ULK4: variants seen among roughly 807,000 people sequenced by gnomAD.
ULK4 encodes the protein unc-51 like kinase 4, also known as inactive serine/threonine-protein kinase ULK4.
ULK4 carries 133 observed loss-of-function variants against 160.6 expected under a neutral mutation model. That is an observed-to-expected ratio of 0.83 (90% CI 0.72 to 0.96). The LOEUF (loss-of-function observed/expected upper bound fraction) is 0.96, where lower values mean the gene tolerates loss of function less well. Among genes scored for constraint, ULK4 ranks in the 40% least tolerant of loss-of-function variants. ULK4 has a pLI of 0.00. For missense variants in ULK4, 1,580 were observed against 1,499.5 expected (o/e 1.05, Z -0.89); for synonymous variants, 534 against 539.8 (o/e 0.99, Z 0.15).
rs980545512 is a variant in ULK4, at chr3:41,800,256, A to G, written c.1886T>C (p.Ile629Thr). 1.9e-6 allele frequency: 3 copies of G among 1,613,172 alleles called. No individual in the cohort carries two copies. The highest frequency in any genetic ancestry group is 3.3e-4 in the Middle Eastern group (2 of 6,050). The change falls in exon 20 of 37, where the codon ATT becomes ACT. Residue 629 changes from isoleucine to threonine, a missense_variant. Ile to Thr is a moderately conservative substitution (Grantham distance 89). Transcript: ENST00000301831. The part of the protein sequence containing the change: ...RVVNHMAAKI[I>T]ENVCTTFSAQ... ...AGAAAAGGTGGTACAGACATTTTCA[A>G]TAATTTTTGCTGCCATGTGATTCAC...
In ULK4 at chr3:41,917,603, TTATTGCTGATAGATCATTA is replaced by T. The variant is rs1344587713; in HGVS notation, c.727+835_727+853del. Among the ~76,000 whole-genome samples, 3 of 152,308 alleles carry T rather than the reference TTATTGCTGATAGATCATTA, an allele frequency of 2.0e-5. No homozygotes were observed. The East Asian group carries it at 5.8e-4, about 29-fold the overall frequency. On this transcript the variant is annotated intron_variant, in intron 7 of 36. Transcript: ENST00000301831. ...TCTTTTGTTTTCCTTTCCTTAAAAATTATTGCTGATAGATCATTATATTAACCACAATTTATATGATTAA... is the reference window on the plus strand; with the variant it reads ...TCTTTTGTTTTCCTTTCCTTAAAAATTATTAACCACAATTTATATGATTAA...
chr3:41,424,831 C>CAAAAAAA (rs36097613), intron 34 of ULK4, among the ~76,000 whole-genome samples: 2 of 62,400 alleles, frequency 3.2e-5, no homozygotes, highest in African/African-American at 6.5e-5. Context: ...AAGAAATCAT[C>CAAAAAAA]AAAAAAAAAA....
chr3:41,697,929 A>T lies in ULK4; in HGVS notation c.2781+7128T>A, dbSNP rs552022824. 3.3e-5 allele frequency among the ~76,000 whole-genome samples: 5 copies of T among 152,332 alleles called. No individual in the cohort carries two copies. In the South Asian group the frequency reaches 1.0e-3, roughly 32 times the overall value. ...CACTCAAAGCAACTCCAGTCCTGCAAGCTCCATTCATAGTAAATATCTTAT... is the reference window on the plus strand; with the variant it reads ...CACTCAAAGCAACTCCAGTCCTGCATGCTCCATTCATAGTAAATATCTTAT... On this transcript the variant is annotated intron_variant, in intron 27 of 36. Transcript: ENST00000301831.
intron 35 of ULK4, among the ~76,000 whole-genome samples, chr3:41,387,184 G>T (rs1047237074): frequency 5.3e-5 from 8 of 152,068 alleles, no homozygotes; most frequent in African/African-American, 1.7e-4. Flanking sequence ...TCAGATCAGG[G>T]TAATTAAGAT....
intron 31 of ULK4, among the ~76,000 whole-genome samples, chr3:41,576,179 GTAAAAATAGCAA>G (rs1472042611): frequency 4.6e-5 from 7 of 152,190 alleles, no homozygotes; most frequent in African/African-American, 1.2e-4. Flanking sequence ...CTGTCGAAAA[GTAAAAATAGCAA>G]TAAAAATAGC....
chr3:41,428,812 C>T (rs1460057678), intron 34 of ULK4, among the ~76,000 whole-genome samples: 3 of 149,084 alleles, frequency 2.0e-5, no homozygotes, highest in Non-Finnish European at 4.5e-5. Context: ...CAAAACGATA[C>T]AAAACCTAGG....
chr3:41,792,360 T>C (rs2040175929), intron 20 of ULK4, among the ~76,000 whole-genome samples: 1 of 152,154 alleles, frequency 6.6e-6, no homozygotes, highest in Non-Finnish European at 1.5e-5. Context: ...AAAATTGCTG[T>C]TTATGAAATC....
intron 19 of ULK4, among the ~76,000 whole-genome samples, chr3:41,813,002 T>C (rs2040862222): frequency 6.6e-6 from 1 of 152,206 alleles, no homozygotes; most frequent in Admixed American, 6.5e-5. Flanking sequence ...AATTTATACA[T>C]TTGTATCTAA....
chr3:41,839,419 T>C (rs896522082), intron 17 of ULK4, among the ~76,000 whole-genome samples: 7 of 149,150 alleles, frequency 4.7e-5, no homozygotes, highest in Admixed American at 1.3e-4. Context: ...ATATATAATA[T>C]ATACATATAA....
intron 17 of ULK4, among the ~76,000 whole-genome samples, chr3:41,838,329 G>C (rs1329329549): frequency 1.3e-5 from 2 of 152,120 alleles, no homozygotes; most frequent in Admixed American, 1.3e-4. Flanking sequence ...AAGACATTTA[G>C]AGAATACATT....
In ULK4 at chr3:41,459,377, C is replaced by T. The variant is rs371430193; in HGVS notation, c.3393+3710G>A. On this transcript the variant is annotated intron_variant, in intron 33 of 36. Transcript: ENST00000301831. ...TCACCATGCCCAGCCCAGTTCCTGTCGTTATATCTCCAGCAGGTTTTAGCA... is the reference window on the plus strand; with the variant it reads ...TCACCATGCCCAGCCCAGTTCCTGTTGTTATATCTCCAGCAGGTTTTAGCA... 3.7e-4 allele frequency among the ~76,000 whole-genome samples: 56 copies of T among 152,196 alleles called. 1 individual carries two copies. The South Asian group carries it at 8.9e-3, about 24-fold the overall frequency.
chr3:41,397,962 G>A, intron 35 of ULK4, 117 bp downstream of exon 35: 1 of 1,189,358 alleles, frequency 8.4e-7, no homozygotes, highest in Non-Finnish European at 1.2e-6. Context: ...GGGAGTTCTT[G>A]ACAACTCTTG....
chr3:41,776,407 T>A (rs1447185223), intron 21 of ULK4, among the ~76,000 whole-genome samples: 1 of 150,766 alleles, frequency 6.6e-6, no homozygotes. Flanking sequence ...CAAGTTTTCC[T>A]TTTCATATTT....
intron 31 of ULK4, among the ~76,000 whole-genome samples, chr3:41,575,370 T>G (rs949426273): frequency 1.3e-5 from 2 of 152,116 alleles, no homozygotes; most frequent in Non-Finnish European, 2.9e-5. Flanking sequence ...TCTGCCAACG[T>G]GGTCGGGGCT....
At chr3:41,497,892 A>C (rs1453194497) in intron 32 of ULK4, among the ~76,000 whole-genome samples, 1 of 152,200 alleles carries the variant, frequency 6.6e-6, no homozygotes, top group Non-Finnish European at 1.5e-5. Context: ...CCATCTCTAA[A>C]AAAATAATAA....
intron 21 of ULK4, among the ~76,000 whole-genome samples, chr3:41,770,853 A>G (rs1176430212): frequency 6.6e-6 from 1 of 152,172 alleles, no homozygotes; most frequent in Non-Finnish European, 1.5e-5. Flanking sequence ...AGGGTAAAGG[A>G]GAGAGCCTCA....
In ULK4 at chr3:41,715,382, C is replaced by T. The variant is rs545341085; in HGVS notation, c.2577+65G>A. The T allele has an allele frequency of 1.2e-4, 191 of 1,612,112 alleles. 1 individual carries two copies. In the South Asian group the frequency reaches 2.0e-3, roughly 17 times the overall value. On this transcript the variant is annotated intron_variant, in intron 24 of 36. Coordinates refer to ENST00000301831, the MANE Select transcript of ULK4 (RefSeq NM_017886.4). ...AAAAAAATGTTTTGAGTTGAGGATT[C>T]TCAGCTCCAGTTTACAAAGAGAAGA...
intron 35 of ULK4, among the ~76,000 whole-genome samples, chr3:41,272,430 G>A (rs2079155249): frequency 1.4e-5 from 2 of 141,638 alleles, no homozygotes; most frequent in African/African-American, 2.6e-5. Flanking sequence ...CAATAAAGAC[G>A]TTGCTTCCTT....
intron 5 of ULK4, among the ~76,000 whole-genome samples, chr3:41,930,978 T>C (rs568029147): frequency 3.3e-5 from 5 of 152,242 alleles, no homozygotes; most frequent in African/African-American, 1.2e-4. Context: ...ATCCCATTAC[T>C]GGGTATACAC....
Sources: gnomAD v4.1 joint callset for allele counts (sites outside exome capture counted in the v4.1 genomes callset) on GRCh38, gnomAD v4.1.1 for gene constraint, MANE v1.5 for transcripts, NCBI Gene and HGNC (gene_info 2026-07-23, HGNC 2026-07-21) for gene names.